The following DDX56 variants were observed in gnomAD, a reference collection of about 807,000 sequenced individuals.
DDX56 encodes DEAD-box helicase 56.
In DDX56, 45 loss-of-function variants were observed where a neutral mutation model predicts 61.5. That is an observed-to-expected ratio of 0.73 (90% CI 0.58 to 0.94). DDX56 has a LOEUF of 0.94. Among genes scored for constraint, DDX56 ranks in the 40% least tolerant of loss-of-function variants. The probability of loss-of-function intolerance (pLI) is 0.00; values close to 1 mark genes in which losing one functional copy is unlikely to be tolerated. For missense variants in DDX56, 708 were observed against 690.7 expected (o/e 1.02, Z -0.28); for synonymous variants, 273 against 268.3 (o/e 1.02, Z -0.17).
chr7:44,573,685 C>T lies in DDX56; in HGVS notation c.120G>A (p.Leu40=). The stretch of plus-strand genomic sequence containing the variant: ...CCAGGAGGTCCTTCCCTTCTAGGGC[C>T]AGTGGGATGGCCTTCTCCTGGATCA... The part of the protein sequence containing the change: ...PTLIQEKAIP[L]ALEGKDLLAR... Residue 40 remains leucine, a synonymous_variant, in exon 2 of 14, where the codon CTG becomes CTA. Coordinates refer to ENST00000258772, the MANE Select transcript of DDX56 (RefSeq NM_019082.4). 3 of 1,613,758 alleles carry T rather than the reference C, an allele frequency of 1.9e-6. No homozygotes were observed. The highest frequency in any genetic ancestry group is 1.1e-5 in the South Asian group (1 of 91,086).
chr7:44,571,377 C>T, intron 6 of DDX56, 115 bp downstream of exon 6: 2 of 1,223,306 alleles, frequency 1.6e-6, no homozygotes, highest in East Asian at 2.3e-5. Context: ...AAGTCAGTAT[C>T]AGTCACATCT....
At chr7:44,570,317 C>T (rs2117123642) in intron 7 of DDX56, among the ~76,000 whole-genome samples, 189 bp from the exon 8 acceptor site, 1 of 152,328 alleles carries the variant, frequency 6.6e-6, no homozygotes, top group South Asian at 2.1e-4. Context: ...GACATGTACC[C>T]AAATCTCGGC....
intron 9 of DDX56, 112 bp from the exon 10 acceptor site, chr7:44,569,315 C>A: frequency 1.0e-6 from 1 of 982,184 alleles, no homozygotes. Context: ...GACCCACCGC[C>A]TTCCTGGGAT....
chr7:44,567,458 C>T (rs1242036563), intron 12 of DDX56, among the ~76,000 whole-genome samples: 1 of 152,206 alleles, frequency 6.6e-6, no homozygotes, highest in Non-Finnish European at 1.5e-5. Context: ...ACCAAAAACA[C>T]CTCCTATGAG....
intron 10 of DDX56, 32 bp downstream of exon 10, chr7:44,569,098 C>G (rs1336875052): frequency 6.2e-7 from 1 of 1,613,534 alleles, no homozygotes. Context: ...AGCCCCTCCC[C>G]TCTCATTCCC....
chr7:44,573,440 G>C, intron 2 of DDX56, 143 bp downstream of exon 2: 2 of 1,114,894 alleles, frequency 1.8e-6, no homozygotes, highest in South Asian at 1.5e-5. Flanking sequence ...CTCCAGCCCA[G>C]AGTGTTTGCC....
At chr7:44,567,459 C>A (rs1802571532) in intron 12 of DDX56, among the ~76,000 whole-genome samples, 1 of 152,176 alleles carries the variant, frequency 6.6e-6, no homozygotes, top group African/African-American at 2.4e-5. Flanking sequence ...CCAAAAACAC[C>A]TCCTATGAGA....
intron 6 of DDX56, 69 bp downstream of exon 6, chr7:44,571,423 A>G: frequency 3.1e-6 from 5 of 1,588,138 alleles, no homozygotes; most frequent in Non-Finnish European, 4.3e-6. Flanking sequence ...AAGAAACAGA[A>G]CATTAACTGG....
chr7:44,569,769 G>T, intron 9 of DDX56, 40 bp downstream of exon 9: 1 of 1,533,184 alleles, frequency 6.5e-7, no homozygotes, highest in Non-Finnish European at 8.9e-7. Flanking sequence ...TGTGGAAGAA[G>T]CCTGACCCTG....
intron 1 of DDX56, 29 bp from the exon 2 acceptor site, chr7:44,573,773 G>C: frequency 2.5e-6 from 4 of 1,613,474 alleles, no homozygotes; most frequent in Non-Finnish European, 3.4e-6. Context: ...GGTTTAAGCG[G>C]CGTGAAGAGC....
Position 44,570,805 on chromosome 7 carries a change from C to T in DDX56, c.963G>A (p.Gly321=). 1.9e-6 allele frequency: 3 copies of T among 1,613,938 alleles called. No individual in the cohort carries two copies. The highest frequency in any genetic ancestry group is 2.5e-6 in the Non-Finnish European group (3 of 1,179,826). The change falls in exon 7 of 14, where the codon GGG becomes GGA. Residue 321 remains glycine (G), a synonymous_variant. Coordinates refer to ENST00000258772, the MANE Select transcript of DDX56 (RefSeq NM_019082.4). ...CCCGACGCTTGCCCTTGACTGGGGC[C>T]CCCAGGACTTCAGCATCAGTTGCTA... ...CVIATDAEVL[G]APVKGKRRGR...
In DDX56 at chr7:44,572,576, G is replaced by A; in HGVS notation, c.552C>T (p.Leu184=). 6.2e-7 allele frequency: 1 copy of A among 1,614,060 alleles called. No homozygotes were observed. The highest frequency in any genetic ancestry group is 1.1e-5 in the South Asian group (1 of 91,078). The change falls in exon 4 of 14, where the codon CTC becomes CTT. Residue 184 remains leucine, a splice_region_variant and synonymous_variant. Transcript: ENST00000258772. The part of the protein sequence containing the change: ...FGFEEELKSL[L]CHLPRIYQAF... ...AATCACACCCACCTCTGCCTTACCA[G>A]AGGAGACTCTTGAGCTCTTCTTCAA...
intron 5 of DDX56, 54 bp downstream of exon 5, chr7:44,572,293 A>G: frequency 2.0e-6 from 3 of 1,463,640 alleles, no homozygotes; most frequent in Non-Finnish European, 2.9e-6. Context: ...GAGCATCAAG[A>G]TCTTTGAGTG....
In DDX56 at chr7:44,568,197, G is replaced by A. The variant is rs562228674; in HGVS notation, c.1410C>T (p.Asp470=). ...GTAGGTCATGCCGCAGCAGCTGGAG[G>A]TCCCTAGGGTTGTCTTCAAAGTATG... is the stretch of plus-strand genomic sequence containing the variant. ...LKTYFEDNPR[D]LQLLRHDLPL... The change falls in exon 12 of 14, where the codon GAC becomes GAT. Residue 470 remains aspartate, a synonymous_variant. Transcript: ENST00000258772. The A allele has an allele frequency of 2.5e-6, 4 of 1,612,564 alleles. No homozygotes were observed. The highest frequency in any genetic ancestry group is 2.5e-6 in the Non-Finnish European group (3 of 1,178,956).
At chr7:44,567,835 C>G in intron 12 of DDX56, 1 of 489,498 alleles carries the variant, frequency 2.0e-6, no homozygotes, top group Admixed American at 3.4e-5. Context: ...TGGCCCAGCT[C>G]TGGAGACGAC....
At chr7:44,573,201 G>A in intron 2 of DDX56, 151 bp from the exon 3 acceptor site, 1 of 714,450 alleles carries the variant, frequency 1.4e-6, no homozygotes, top group East Asian at 2.8e-5. Context: ...AGAATGCAGA[G>A]TGGAGAGTTC....
Position 44,573,874 on chromosome 7 carries a change from C to T in DDX56, c.22G>A (p.Gly8Ser). The T allele has an allele frequency of 6.2e-7, 1 of 1,613,302 alleles. No individual in the cohort carries two copies. Among genetic ancestry groups the T allele is most frequent in the Non-Finnish European group, 8.5e-7 (1 of 1,180,010 alleles). The change falls in exon 1 of 14, where the codon GGC becomes AGC. Residue 8 changes from glycine (G) to serine (S), a missense_variant. Coordinates refer to ENST00000258772, the MANE Select transcript of DDX56 (RefSeq NM_019082.4). MEDSEAL[G>S]FEHMGLDPRL... is the part of the protein sequence containing the mutation. ...GGATCGAGGCCCATGTGTTCGAAGC[C>T]CAGTGCTTCAGAGTCCTCCATGGCG...
intron 12 of DDX56, 116 bp downstream of exon 12, chr7:44,568,002 C>A: frequency 1.2e-6 from 1 of 821,442 alleles, no homozygotes; most frequent in South Asian, 1.4e-5. Context: ...CCAGGGTCTC[C>A]AGGTTCTATT....
intron 10 of DDX56, 31 bp downstream of exon 10, chr7:44,569,097 CCT>C (rs770350598): frequency 1.9e-6 from 3 of 1,613,338 alleles, no homozygotes; most frequent in East Asian, 2.2e-5. Flanking sequence ...CAGCCCCTCC[CCT>C]CTCATTCCCC....
Sources: gnomAD v4.1 joint callset for allele counts (sites outside exome capture counted in the v4.1 genomes callset) on GRCh38, gnomAD v4.1.1 for gene constraint, MANE v1.5 for transcripts, NCBI Gene and HGNC (gene_info 2026-07-23, HGNC 2026-07-21) for gene names.